Variants in FMN2 observed in about 807,000 individuals in gnomAD.
The protein encoded by FMN2 is formin-2.
In FMN2, 51 loss-of-function variants were observed where a neutral mutation model predicts 142.3. The observed-to-expected ratio is 0.36, with a 90% CI of 0.29 to 0.45. The LOEUF is 0.45. Ranked by LOEUF, FMN2 falls within the 20% of genes least tolerant of loss-of-function variation. The pLI is 1.00. For missense variants in FMN2, 1,936 were observed against 2,122.8 expected, an observed-to-expected ratio of 0.91 and a Z score of 1.73; for synonymous variants, 882 against 869.8, an observed-to-expected ratio of 1.01 and a Z score of -0.25.
intron 8 of FMN2, among the ~76,000 whole-genome samples, chr1:240,327,328 C>T (rs1303745541): frequency 6.6e-6 from 1 of 152,300 alleles, no homozygotes; most frequent in Admixed American, 6.5e-5. Context: ...TCTTTTGAGA[C>T]ACGTCTTTGT....
At position 240,473,153 on chromosome 1, in the gene FMN2, G is replaced by A. The variant is rs761547812; in HGVS notation, c.5142+700G>A. On this transcript the variant is annotated intron_variant, in intron 17 of 17. Coordinates refer to ENST00000319653, the MANE Select transcript of FMN2 (RefSeq NM_020066.5). The surrounding 1 kb of genome is among the most constrained non-coding windows in gnomAD (Gnocchi z 4.3). Reference sequence around the variant, plus strand: ...CTGGGATGTAAAGTTGGTGGGAAGCGCCAAGAGCAGTGTGACGCTTTGCCC... The same window carrying A: ...CTGGGATGTAAAGTTGGTGGGAAGCACCAAGAGCAGTGTGACGCTTTGCCC... Among the ~76,000 whole-genome samples the A allele has an allele frequency of 9.2e-5, 14 of 152,188 alleles. No individual in the cohort carries two copies. Among genetic ancestry groups the A allele is most frequent in the African/African-American group, 2.9e-4 (12 of 41,518 alleles).
chr1:240,273,698 G>A (rs1666900859), intron 7 of FMN2, among the ~76,000 whole-genome samples: 2 of 151,962 alleles, frequency 1.3e-5, no homozygotes, highest in African/African-American at 2.4e-5. Flanking sequence ...GGAAAAAGAT[G>A]TGATGGATAA....
rs573424744 is a variant in FMN2, at chr1:240,220,248, A to G, written c.4065+9013A>G. Among the ~76,000 whole-genome samples the G allele has an allele frequency of 2.7e-3, 410 of 152,218 alleles. 3 individuals are homozygous for G. The highest frequency in any genetic ancestry group is 0.027 in the South Asian group (129 of 4,820). On this transcript the variant is annotated intron_variant, in intron 6 of 17. Coordinates refer to ENST00000319653, the MANE Select transcript of FMN2 (RefSeq NM_020066.5). ...AAAATCTCCTAAAACTCATAACAGC[A>G]AGAGTCTCTGACAGTTGAGCCACAA...
chr1:240,171,099 A>G (rs2103310502), intron 2 of FMN2: 1 of 1,441,256 alleles, frequency 6.9e-7, no homozygotes, highest in Non-Finnish European at 9.7e-7. Flanking sequence ...AGCTGGTAAC[A>G]GGTCGCACAT....
At chr1:240,148,283 C>G (rs61830677) in intron 2 of FMN2, among the ~76,000 whole-genome samples, 1 of 43,420 alleles carries the variant, frequency 2.3e-5, no homozygotes. Context: ...TAGACAGAGA[C>G]AGAGACAGAC....
intron 2 of FMN2, among the ~76,000 whole-genome samples, chr1:240,149,898 G>A (rs1345056720): frequency 4.6e-5 from 7 of 152,104 alleles, no homozygotes; most frequent in African/African-American, 1.2e-4. Flanking sequence ...CAAGAAAATA[G>A]CATTTGTGTT....
At chr1:240,236,250 T>C (rs1451010822) in intron 6 of FMN2, among the ~76,000 whole-genome samples, 1 of 151,378 alleles carries the variant, frequency 6.6e-6, no homozygotes, top group East Asian at 1.9e-4. Flanking sequence ...AAAATGGAAT[T>C]TTTTCTCATC....
intron 14 of FMN2, among the ~76,000 whole-genome samples, chr1:240,359,688 T>C (rs755961893): frequency 2.5e-4 from 38 of 152,222 alleles, no homozygotes; most frequent in Non-Finnish European, 4.7e-4. Flanking sequence ...TAGGCAGATT[T>C]AGAGAATTTA....
chr1:240,415,474 T>A (rs774957272), intron 15 of FMN2, among the ~76,000 whole-genome samples: 1 of 151,838 alleles, frequency 6.6e-6, no homozygotes, highest in Admixed American at 6.6e-5. Context: ...CCATGGCACA[T>A]GTATACCTAT....
intron 2 of FMN2, among the ~76,000 whole-genome samples, chr1:240,127,394 C>T (rs537590361): frequency 2.0e-5 from 3 of 147,268 alleles, no homozygotes; most frequent in African/African-American, 7.6e-5. Flanking sequence ...TAAATGGGAG[C>T]TTTTGGGAGG....
intron 14 of FMN2, among the ~76,000 whole-genome samples, chr1:240,379,273 C>T (rs1014828153): frequency 6.6e-6 from 1 of 151,976 alleles, no homozygotes; most frequent in Admixed American, 6.6e-5. Flanking sequence ...TCCACTCTGG[C>T]TCTTTAGACA....
chr1:240,416,429 C>G (rs1674578976), intron 15 of FMN2, among the ~76,000 whole-genome samples: 1 of 151,988 alleles, frequency 6.6e-6, no homozygotes, highest in South Asian at 2.1e-4. Flanking sequence ...AAATTAGACA[C>G]TGGCTAATTT....
At chr1:240,137,358 C>G (rs1306468393) in intron 2 of FMN2, among the ~76,000 whole-genome samples, 1 of 152,128 alleles carries the variant, frequency 6.6e-6, no homozygotes, top group Non-Finnish European at 1.5e-5. Context: ...GTCACAACTA[C>G]TCAAGTCCAC....
intron 2 of FMN2, among the ~76,000 whole-genome samples, chr1:240,162,521 G>T (rs928779872): frequency 6.6e-6 from 1 of 152,056 alleles, no homozygotes; most frequent in Non-Finnish European, 1.5e-5. Flanking sequence ...TTTGTATGTT[G>T]ATTTTGGTAA....
chr1:240,218,887 G>C (rs1354401448), intron 6 of FMN2, among the ~76,000 whole-genome samples: 1 of 152,074 alleles, frequency 6.6e-6, no homozygotes, highest in African/African-American at 2.4e-5. Context: ...TATCCTTCAG[G>C]TTCCATGCTA....
At position 240,092,709 on chromosome 1, in the gene FMN2, G is replaced by C; in HGVS notation, c.600G>C (p.Gln200His). The C allele has an allele frequency of 6.2e-7, 1 of 1,613,828 alleles. No individual in the cohort carries two copies. Among genetic ancestry groups the C allele is most frequent in the Non-Finnish European group, 8.5e-7 (1 of 1,179,988 alleles). Residue 200 changes from glutamine (Q) to histidine (H), a missense_variant, in exon 1 of 18, where the codon CAG becomes CAC. Physicochemically the swap from Gln to His is conservative, Grantham distance 24. This residue lies in a region of FMN2 where 751 missense variants were observed against 791.8 expected (regional missense o/e 0.95). Coordinates refer to ENST00000319653, the MANE Select transcript of FMN2 (RefSeq NM_020066.5). ...AAGAGGATTTGCTTTCAGACATCCAGCAGGCGATCCGCCTGCAGCAGCAGC... is the reference window on the plus strand; with the variant it reads ...AAGAGGATTTGCTTTCAGACATCCACCAGGCGATCCGCCTGCAGCAGCAGC... ...TEQEDLLSDIQQAIRLQQQQQ... is the reference protein window; with the variant it reads ...TEQEDLLSDIHQAIRLQQQQQ...
intron 7 of FMN2, among the ~76,000 whole-genome samples, chr1:240,290,140 T>C (rs1422808440): frequency 1.3e-5 from 2 of 152,214 alleles, no homozygotes; most frequent in Admixed American, 1.3e-4. Flanking sequence ...TTCTTTTATT[T>C]TTTTAATGTA....
chr1:240,148,432 AAG>A (rs879300545), intron 2 of FMN2, among the ~76,000 whole-genome samples: 14 of 137,002 alleles, frequency 1.0e-4, no homozygotes, highest in Non-Finnish European at 1.6e-4. Flanking sequence ...AAGATACAGA[AAG>A]AGAGAGACAG....
At chr1:240,377,946 A>G (rs1673100449) in intron 14 of FMN2, among the ~76,000 whole-genome samples, 2 of 152,044 alleles carry the variant, frequency 1.3e-5, no homozygotes, top group South Asian at 2.1e-4. Context: ...TTAGAGGGCC[A>G]TTATTCTGCC....
Sources: allele counts gnomAD v4.1 joint callset (sites outside exome capture counted in the v4.1 genomes callset), GRCh38; gene constraint gnomAD v4.1.1; regional missense constraint gnomAD v4.1.1; non-coding constraint Gnocchi (gnomAD v3.1); transcripts MANE v1.5; gene names NCBI Gene and HGNC (gene_info 2026-07-23, HGNC 2026-07-21).